The following SLC22A12 variants were observed in gnomAD, a reference collection of about 807,000 sequenced individuals.
SLC22A12 encodes solute carrier family 22 member 12, also known as organic anion transporter 4-like protein.
A neutral mutation model predicts 52.7 loss-of-function variants in SLC22A12; 56 were observed. The ratio of observed to expected loss-of-function variants is 1.06; its 90% CI spans 0.86 to 1.33. The LOEUF (loss-of-function observed/expected upper bound fraction) is 1.33. SLC22A12 is among the 40% of genes most tolerant of loss of function. The pLI, the probability that SLC22A12 is intolerant of heterozygous loss-of-function variation, is 0.00. For synonymous variants in SLC22A12, 337 were observed against 324.6 expected (o/e 1.04, Z -0.41); for missense variants, 683 against 741.5 (o/e 0.92, Z 0.92).
rs553388807 is a variant in SLC22A12, at chr11:64,591,324, G to A, written c.-233G>A. On this transcript the variant is annotated 5_prime_UTR_variant, in exon 1 of 10. Coordinates refer to ENST00000377574, the MANE Select transcript of SLC22A12 (RefSeq NM_144585.4). ...TCTCTGGGGAGATGCTGGAGGTCTC[G>A]GAATCACCTCACGCGGCCTCAGGGC... is the stretch of plus-strand genomic sequence containing the variant. The A allele has an allele frequency of 7.9e-5, 46 of 585,948 alleles. No homozygotes were observed. Among genetic ancestry groups the A allele is most frequent in the Admixed American group, 3.6e-4 (12 of 32,962 alleles). 36.3% of individuals were successfully genotyped at this position (585,948 alleles called of 1,614,324 possible). A position where few individuals can be genotyped will look rare whatever the true frequency, so the allele number is the denominator to read the frequency against.
At chr11:64,596,253 T>TGGATGGATGGAATGGATGGATGGATG (rs1554987881) in intron 4 of SLC22A12, among the ~76,000 whole-genome samples, 19,118 of 113,272 alleles carry the variant, frequency 0.17, 2,895 homozygotes, top group East Asian at 0.26. Context: ...ATGGAATGGA[T>TGGATGGATGGAATGGATGGATGGATG]GGATGGATGG....
chr11:64,592,933 C>T, intron 2 of SLC22A12, 51 bp downstream of exon 2: 1 of 1,510,150 alleles, frequency 6.6e-7, no homozygotes, highest in African/African-American at 1.4e-5. Context: ...AACCCCTGCT[C>T]TCCTAGGACC....
chr11:64,595,284 T>A (rs1296302650), intron 4 of SLC22A12, among the ~76,000 whole-genome samples: 1 of 57,882 alleles, frequency 1.7e-5, no homozygotes, highest in Non-Finnish European at 3.5e-5. Flanking sequence ...GATGGTTGAA[T>A]GGATGGTTGG....
chr11:64,595,094 A>AGGATGGAT (rs752538108), intron 4 of SLC22A12, among the ~76,000 whole-genome samples: 12,926 of 39,990 alleles, frequency 0.32, 3,284 homozygotes, highest in Non-Finnish European at 0.44. Flanking sequence ...ATAGATGGAA[A>AGGATGGAT]GGATGGATGG....
chr11:64,599,463 C>G (rs2039369427), intron 6 of SLC22A12, among the ~76,000 whole-genome samples: 1 of 152,170 alleles, frequency 6.6e-6, no homozygotes, highest in Non-Finnish European at 1.5e-5. Context: ...TCCCATCAGC[C>G]AAACCCAAAG....
chr11:64,598,167 A>G (rs2039314238), intron 4 of SLC22A12, among the ~76,000 whole-genome samples: 1 of 152,014 alleles, frequency 6.6e-6, no homozygotes, highest in Admixed American at 6.5e-5. Flanking sequence ...AGGGGCCCTG[A>G]CTGCAACCAG....
At chr11:64,600,144 CGG>C (rs956312629) in intron 7 of SLC22A12, among the ~76,000 whole-genome samples, 5 of 152,272 alleles carry the variant, frequency 3.3e-5, no homozygotes, top group Admixed American at 3.3e-4. Context: ...AGGAGGGAAA[CGG>C]GGTCAAGAAG....
intron 4 of SLC22A12, 106 bp from the exon 5 acceptor site, chr11:64,598,410 A>G: frequency 6.7e-7 from 1 of 1,503,578 alleles, no homozygotes; most frequent in East Asian, 2.5e-5. Flanking sequence ...AGCCGCCCTA[A>G]GCCTTGGGCC....
intron 4 of SLC22A12, among the ~76,000 whole-genome samples, chr11:64,596,386 T>C (rs1378064964): frequency 6.7e-6 from 1 of 149,274 alleles, no homozygotes; most frequent in East Asian, 2.0e-4. Flanking sequence ...AATGGATGGA[T>C]GGATGGTTGG....
In SLC22A12 at chr11:64,591,873, C is replaced by T. The variant is rs770119204; in HGVS notation, c.317C>T (p.Thr106Ile). 2 of 1,612,626 alleles carry T rather than the reference C, an allele frequency of 1.2e-6. No homozygotes were observed. The highest frequency in any genetic ancestry group is 2.2e-5 in the South Asian group (2 of 91,080). ...WQLLDPNATA[T>I]SWSEADTEPC... ...CTCTTGGACCCCAATGCCACGGCCA[C>T]CAGCTGGAGCGAGGCCGACACGGAG... The change falls in exon 1 of 10, where the codon ACC (threonine) becomes ATC (isoleucine). Residue 106 changes from threonine to isoleucine, a missense_variant. Transcript: ENST00000377574.
rs1235400944 is a variant in SLC22A12, at chr11:64,598,650, G to C, written c.954+11G>C. On this transcript the variant is annotated intron_variant, in intron 5 of 9. Coordinates refer to ENST00000377574, the MANE Select transcript of SLC22A12 (RefSeq NM_144585.4). ...ACCCTGACCCCTGAGGTAAGGCTGG[G>C]TCCTCCTCAAACCCGGACCCTCAGA... 2.2e-5 allele frequency: 35 copies of C among 1,608,912 alleles called. No homozygotes were observed. The highest frequency in any genetic ancestry group is 2.9e-5 in the Non-Finnish European group (34 of 1,178,210).
At chr11:64,598,316 G>T (rs2039319716) in intron 4 of SLC22A12, among the ~76,000 whole-genome samples, 200 bp from the exon 5 acceptor site, 1 of 152,130 alleles carries the variant, frequency 6.6e-6, no homozygotes, top group African/African-American at 2.4e-5. Flanking sequence ...CCCTAGGAGG[G>T]AGAAAGGCAG....
chr11:64,596,870 C>T (rs1364034564), intron 4 of SLC22A12, among the ~76,000 whole-genome samples: 1 of 152,156 alleles, frequency 6.6e-6, no homozygotes, highest in Non-Finnish European at 1.5e-5. Context: ...AGAGCTGCAC[C>T]CCCCTTTCCT....
intron 4 of SLC22A12, among the ~76,000 whole-genome samples, chr11:64,597,083 C>G (rs774855870): frequency 1.2e-4 from 18 of 152,176 alleles, no homozygotes; most frequent in Admixed American, 1.2e-3. Context: ...TAGGGCTTGA[C>G]GAACAACCTG....
intron 4 of SLC22A12, among the ~76,000 whole-genome samples, chr11:64,595,416 T>C (rs1284152029): frequency 6.5e-5 from 6 of 91,990 alleles, no homozygotes; most frequent in East Asian, 3.6e-4. Flanking sequence ...GATGGATGGA[T>C]GTTTGGAATA....
Position 64,593,819 on chromosome 11 carries a change from C to T in SLC22A12, c.830+16C>T. On this transcript the variant is annotated intron_variant, in intron 4 of 9. Transcript: ENST00000377574. Reference sequence around the variant, plus strand: ...TGTACTCCTGGTGGGTGCTGTGCCCCACTCCCCTCCTCAGAGGAGATCCTG... The same window carrying T: ...TGTACTCCTGGTGGGTGCTGTGCCCTACTCCCCTCCTCAGAGGAGATCCTG... The T allele has an allele frequency of 6.2e-7, 1 of 1,601,188 alleles. No individual in the cohort carries two copies. Among genetic ancestry groups the T allele is most frequent in the Non-Finnish European group, 8.5e-7 (1 of 1,179,500 alleles).
chr11:64,600,866 G>A lies in SLC22A12; in HGVS notation c.1526G>A (p.Gly509Asp). 1 of 1,609,120 alleles carries A rather than the reference G, an allele frequency of 6.2e-7. No homozygotes were observed. The change falls in exon 9 of 10, where the codon GGC becomes GAC. Residue 509 changes from glycine (G) to aspartate (D), a missense_variant. Transcript: ENST00000377574. ...LVYGTVPVLS[G>D]LAALLLPETQ... Reference sequence around the variant, plus strand: ...TATGGGACGGTGCCAGTGCTGAGTGGCCTGGCCGCACTGCTTCTGCCCGAG... The same window carrying A: ...TATGGGACGGTGCCAGTGCTGAGTGACCTGGCCGCACTGCTTCTGCCCGAG...
In SLC22A12 at chr11:64,598,616, G is replaced by T. The variant is rs759448335; in HGVS notation, c.931G>T (p.Val311Leu). 4 of 1,611,182 alleles carry T rather than the reference G, an allele frequency of 2.5e-6. No homozygotes were observed. The highest frequency in any genetic ancestry group is 3.4e-6 in the Non-Finnish European group (4 of 1,179,274). The change falls in exon 5 of 10, where the codon GTG becomes TTG. Residue 311 changes from valine to leucine, a missense_variant. Transcript: ENST00000377574. ...RVAAINGKGA[V>L]QDTLTPEVLL... ...GGCTGCCATCAACGGAAAGGGGGCA[G>T]TGCAGGACACCCTGACCCCTGAGGT...
At position 64,601,880 on chromosome 11, in the gene SLC22A12, C is replaced by T. The variant is rs1245805377; in HGVS notation, c.*329C>T. ...GCCTTGCCAACCCTCTGCTTGACTC[C>T]GCACTGCCACTTGTCCCCCCACACC... is the stretch of plus-strand genomic sequence containing the variant. On this transcript the variant is annotated 3_prime_UTR_variant, in exon 10 of 10. Transcript: ENST00000377574. The T allele has an allele frequency of 1.6e-5, 6 of 386,382 alleles. No homozygotes were observed. Among genetic ancestry groups the T allele is most frequent in the South Asian group, 2.1e-5 (1 of 47,184 alleles). 23.9% of individuals were successfully genotyped at this position (386,382 alleles called of 1,614,324 possible). A position where few individuals can be genotyped will look rare whatever the true frequency, so the allele number is the denominator to read the frequency against.
Sources: allele counts gnomAD v4.1 joint callset (sites outside exome capture counted in the v4.1 genomes callset), GRCh38; gene constraint gnomAD v4.1.1; transcripts MANE v1.5; gene names NCBI Gene and HGNC (gene_info 2026-07-23, HGNC 2026-07-21).